LRFN5: variants seen among roughly 807,000 people sequenced by gnomAD.
The protein encoded by LRFN5 is leucine rich repeat and fibronectin type III domain containing 5.
In LRFN5, 24 loss-of-function variants were observed where a neutral mutation model predicts 45.6. The ratio of observed to expected loss-of-function variants is 0.53; its 90% CI spans 0.38 to 0.74. LRFN5 has a LOEUF of 0.74. Among genes scored for constraint, LRFN5 ranks in the 30% least tolerant of loss-of-function variants. LRFN5 has a pLI of 0.00. For synonymous variants in LRFN5, 340 were observed against 313.8 expected (o/e 1.08, Z -0.88); for missense variants, 776 against 861.5 (o/e 0.90, Z 1.24).
At chr14:41,731,108 A>G (rs1884156319) in intron 1 of LRFN5, among the ~76,000 whole-genome samples, 1 of 152,132 alleles carries the variant, frequency 6.6e-6, no homozygotes, top group African/African-American at 2.4e-5. Context: ...AATGACAACA[A>G]CAATAAAAAA....
intron 2 of LRFN5, among the ~76,000 whole-genome samples, chr14:41,822,067 C>G (rs540990931): frequency 2.0e-5 from 3 of 151,792 alleles, no homozygotes; most frequent in Non-Finnish European, 4.4e-5. Flanking sequence ...CTTGGTTAAT[C>G]TAGCAAGCAT....
intron 1 of LRFN5, among the ~76,000 whole-genome samples, chr14:41,688,686 CA>C (rs1199795814): frequency 6.7e-6 from 1 of 149,022 alleles, no homozygotes; most frequent in Non-Finnish European, 1.5e-5. Context: ...CAAAACAAAA[CA>C]AAACAAAAAA....
intron 1 of LRFN5, among the ~76,000 whole-genome samples, chr14:41,677,115 A>G (rs1169956127): frequency 6.6e-6 from 1 of 152,178 alleles, no homozygotes; most frequent in African/African-American, 2.4e-5. Flanking sequence ...AAAAGTAAAA[A>G]CAAGGAGAAA....
intron 1 of LRFN5, among the ~76,000 whole-genome samples, chr14:41,672,589 T>C (rs1881286923): frequency 6.6e-6 from 1 of 152,210 alleles, no homozygotes; most frequent in Non-Finnish European, 1.5e-5. Flanking sequence ...ATTTCTTATG[T>C]GTCATGCACC....
Position 41,904,433 on chromosome 14 carries a change from AC to A in LRFN5, c.*259del. The A allele has an allele frequency of 2.4e-6, 1 of 419,320 alleles. No homozygotes were observed. Among genetic ancestry groups the A allele is most frequent in the Non-Finnish European group, 4.2e-6 (1 of 237,792 alleles). 26.0% of individuals were successfully genotyped at this position (419,320 alleles called of 1,614,324 possible). ...TTTTTTTAAAAAAGAAAAAAAGCCT[AC>A]ATTGGCATCAAGTTCTGTATCAATC... On this transcript the variant is annotated 3_prime_UTR_variant, in exon 6 of 6. Transcript: ENST00000298119.
intron 4 of LRFN5, among the ~76,000 whole-genome samples, chr14:41,896,962 C>T (rs1963723): frequency 0.3 from 45,903 of 151,090 alleles, 7,698 homozygotes; most frequent in East Asian, 0.64. Flanking sequence ...TGTGGTGGCG[C>T]GCACCTGTAA....
intron 1 of LRFN5, among the ~76,000 whole-genome samples, chr14:41,718,661 C>A (rs1434334664): frequency 6.6e-6 from 1 of 152,172 alleles, no homozygotes; most frequent in South Asian, 2.1e-4. Flanking sequence ...ATACATCTCA[C>A]GTCTTCCTGA....
At chr14:41,749,472 AG>A (rs1885044749) in intron 1 of LRFN5, among the ~76,000 whole-genome samples, 1 of 152,184 alleles carries the variant, frequency 6.6e-6, no homozygotes, top group South Asian at 2.1e-4. Flanking sequence ...AATATTATAC[AG>A]CTATAGTATT....
At chr14:41,826,317 A>G (rs567179531) in intron 2 of LRFN5, among the ~76,000 whole-genome samples, 41 of 152,316 alleles carry the variant, frequency 2.7e-4, no homozygotes, top group African/African-American at 8.7e-4. Context: ...CTTTCCTTAC[A>G]CATGAAGTTC....
At chr14:41,760,251 C>G (rs996062051) in intron 1 of LRFN5, among the ~76,000 whole-genome samples, 2 of 152,080 alleles carry the variant, frequency 1.3e-5, no homozygotes, top group African/African-American at 4.8e-5. Flanking sequence ...AATAAATAAA[C>G]ATTTATTTCT....
intron 1 of LRFN5, among the ~76,000 whole-genome samples, chr14:41,641,026 T>C (rs1338287650): frequency 6.6e-6 from 1 of 152,062 alleles, no homozygotes; most frequent in Non-Finnish European, 1.5e-5. Flanking sequence ...ATCTTGATGT[T>C]TTTCAAAGAT....
At chr14:41,878,114 G>A (rs895381269) in intron 2 of LRFN5, among the ~76,000 whole-genome samples, 4 of 151,994 alleles carry the variant, frequency 2.6e-5, no homozygotes, top group African/African-American at 7.2e-5. Context: ...TAGAAAAAAA[G>A]TTAGACAGAA....
intron 2 of LRFN5, among the ~76,000 whole-genome samples, chr14:41,853,530 G>A (rs1198140093): frequency 6.6e-6 from 1 of 151,988 alleles, no homozygotes; most frequent in Non-Finnish European, 1.5e-5. Flanking sequence ...TCCCTGAGAT[G>A]GGGAAAATAA....
At chr14:41,674,255 C>T in intron 1 of LRFN5, among the ~76,000 whole-genome samples, 1 of 132,856 alleles carries the variant, frequency 7.5e-6, no homozygotes, top group East Asian at 2.5e-4. Flanking sequence ...AGAGGGGCTC[C>T]TCACTTCCCA....
chr14:41,839,604 A>G (rs1273041067), intron 2 of LRFN5, among the ~76,000 whole-genome samples: 1 of 152,078 alleles, frequency 6.6e-6, no homozygotes, highest in Non-Finnish European at 1.5e-5. Context: ...TTCTGGGAGG[A>G]AGGACTACAT....
At chr14:41,840,462 T>C (rs1410691446) in intron 2 of LRFN5, among the ~76,000 whole-genome samples, 5 of 152,082 alleles carry the variant, frequency 3.3e-5, no homozygotes, top group African/African-American at 1.2e-4. Flanking sequence ...TTTAATCACA[T>C]CTGTTAAATA....
chr14:41,660,768 A>AT (rs1377853211), intron 1 of LRFN5, among the ~76,000 whole-genome samples: 1 of 151,746 alleles, frequency 6.6e-6, no homozygotes, highest in Admixed American at 6.6e-5. Flanking sequence ...ATCTCAAGTG[A>AT]TTCTGATGCA....
At chr14:41,699,087 A>T (rs1882731630) in intron 1 of LRFN5, among the ~76,000 whole-genome samples, 1 of 152,112 alleles carries the variant, frequency 6.6e-6, no homozygotes, top group African/African-American at 2.4e-5. Context: ...GACTTGTAGA[A>T]TTTTTTTTCA....
At chr14:41,711,405 G>A (rs1883279831) in intron 1 of LRFN5, among the ~76,000 whole-genome samples, 1 of 152,128 alleles carries the variant, frequency 6.6e-6, no homozygotes, top group African/African-American at 2.4e-5. Context: ...TCTCATAGGA[G>A]TTGCCTATAT....
Sources: allele counts gnomAD v4.1 joint callset (sites outside exome capture counted in the v4.1 genomes callset), GRCh38; gene constraint gnomAD v4.1.1; transcripts MANE v1.5; gene names NCBI Gene and HGNC (gene_info 2026-07-23, HGNC 2026-07-21).